PRPF8: variants seen among roughly 807,000 people sequenced by gnomAD.
The protein encoded by PRPF8 is pre-mRNA processing factor 8.
PRPF8 carries 64 observed loss-of-function variants against 285.9 expected under a neutral mutation model. That is an observed-to-expected ratio of 0.22 (90% CI 0.18 to 0.28). The LOEUF (loss-of-function observed/expected upper bound fraction) is 0.28. PRPF8 is among the 10% of genes least tolerant of loss of function. The probability of loss-of-function intolerance (pLI) is 1.00; values close to 1 mark genes in which losing one functional copy is unlikely to be tolerated. For synonymous variants in PRPF8, 1,325 were observed against 1,118.2 expected (o/e 1.18, Z -3.69); for missense variants, 1,426 against 3,026.7 (o/e 0.47, Z 12.41).
chr17:1,678,400 T>C, intron 13 of PRPF8, 118 bp downstream of exon 13: 1 of 1,332,802 alleles, frequency 7.5e-7, no homozygotes, highest in Non-Finnish European at 1.1e-6. Context: ...GGAGAATTGC[T>C]TGAACTCAGG....
Position 1,653,106 on chromosome 17 carries a change from T to C in PRPF8, c.6369+436A>G, listed in dbSNP as rs147514483. ...GGCGCATGCCACCATGCCTGGCTAATTTTTTGTATTTTTAGTAGAGACAGG... is the reference window on the plus strand; with the variant it reads ...GGCGCATGCCACCATGCCTGGCTAACTTTTTGTATTTTTAGTAGAGACAGG... On this transcript the variant is annotated intron_variant, in intron 39 of 42. Coordinates refer to ENST00000304992, the MANE Select transcript of PRPF8 (RefSeq NM_006445.4). This position sits in a 1 kb window ranked among gnomAD's most constrained non-coding sequence, Gnocchi z 4.9. 0.012 allele frequency: 3,600 copies of C among 290,542 alleles called. 127 individuals are homozygous for C. The highest frequency in any genetic ancestry group is 0.072 in the African/African-American group (3,319 of 45,870). The allele number at this position is 290,542 out of a possible 1,614,324, so 18.0% of individuals were successfully genotyped here. A position where few individuals can be genotyped will look rare whatever the true frequency, so the allele number is the denominator to read the frequency against.
intron 24 of PRPF8, among the ~76,000 whole-genome samples, chr17:1,664,060 T>C (rs1317361556): frequency 1.3e-5 from 2 of 152,232 alleles, no homozygotes; most frequent in Non-Finnish European, 2.9e-5. Context: ...AGACAGGGTC[T>C]TGCTCTGTTG....
At position 1,659,251 on chromosome 17, in the gene PRPF8, C is replaced by T. The variant is rs1911559983; in HGVS notation, c.5138+106G>A. On this transcript the variant is annotated intron_variant, in intron 32 of 42. Transcript: ENST00000304992. The surrounding 1 kb of genome is among the most constrained non-coding windows in gnomAD (Gnocchi z 5.1). ...ATGTTGCCCAGACTGGTCTCAAACT[C>T]CTGAGCTCAGACAATCTGCCCACCG... 2.9e-5 allele frequency: 38 copies of T among 1,315,784 alleles called. No homozygotes were observed. Among genetic ancestry groups the T allele is most frequent in the Non-Finnish European group, 4.1e-5 (38 of 917,910 alleles). 81.5% of individuals were successfully genotyped at this position (1,315,784 alleles called of 1,614,324 possible).
In PRPF8 at chr17:1,658,823, C is replaced by T. The variant is rs773070469; in HGVS notation, c.5139-60G>A. On this transcript the variant is annotated intron_variant, in intron 32 of 42. Coordinates refer to ENST00000304992, the MANE Select transcript of PRPF8 (RefSeq NM_006445.4). This position sits in a 1 kb window ranked among gnomAD's most constrained non-coding sequence, Gnocchi z 4.1. ...GAGAATGACAGCCCCAGAAACAAGACAAGCTGCCAACTCTACAGAGGAAGA... is the reference window on the plus strand; with the variant it reads ...GAGAATGACAGCCCCAGAAACAAGATAAGCTGCCAACTCTACAGAGGAAGA... 6 of 1,427,666 alleles carry T rather than the reference C, an allele frequency of 4.2e-6. No homozygotes were observed. In the East Asian group the frequency reaches 6.8e-5, roughly 16 times the overall value. The allele number at this position is 1,427,666 out of a possible 1,614,324, so 88.4% of individuals were successfully genotyped here.
In PRPF8 at chr17:1,658,770, G is replaced by A; in HGVS notation, c.5139-7C>T. 6.2e-7 allele frequency: 1 copy of A among 1,612,876 alleles called. No individual in the cohort carries two copies. The highest frequency in any genetic ancestry group is 8.5e-7 in the Non-Finnish European group (1 of 1,178,882). Reference sequence around the variant, plus strand: ...GAACCAGTTTCCATAGGCACTGTGAGGATAAAAGGGTCAAGAAAAGTTAAG... The same window carrying A: ...GAACCAGTTTCCATAGGCACTGTGAAGATAAAAGGGTCAAGAAAAGTTAAG... On this transcript the variant is annotated splice_region_variant and splice_polypyrimidine_tract_variant and intron_variant, in intron 32 of 42. Transcript: ENST00000304992. This position sits in a 1 kb window ranked among gnomAD's most constrained non-coding sequence, Gnocchi z 4.1.
Position 1,661,367 on chromosome 17 carries a change from A to G in PRPF8, c.4242T>C (p.Arg1414=), listed in dbSNP as rs1911668844. 2 of 1,614,226 alleles carry G rather than the reference A, an allele frequency of 1.2e-6. No individual in the cohort carries two copies. Among genetic ancestry groups the G allele is most frequent in the Admixed American group, 3.3e-5 (2 of 60,020 alleles). ...AGAGGGTATTGATTCGAGGAATGCC[A>G]CGATCCCATGAATCTTCTAGGTCTT... ...TLEDLEDSWD[R]GIPRINTLFQ... Residue 1414 remains arginine, a synonymous_variant, in exon 27 of 43, where the codon CGT becomes CGC. Coordinates refer to ENST00000304992, the MANE Select transcript of PRPF8 (RefSeq NM_006445.4). The surrounding 1 kb of genome is among the most constrained non-coding windows in gnomAD (Gnocchi z 7.3).
chr17:1,658,384 AGAG>A lies in PRPF8; in HGVS notation c.5377-6_5377-4del, dbSNP rs1911505562. Reference sequence around the variant, plus strand: ...GTTGTCAAGTTCCCTTCAAAGGTCTAGAGGAGGACGGCATTCGTTAGCATGGCC... The same window carrying A: ...GTTGTCAAGTTCCCTTCAAAGGTCTAGAGGACGGCATTCGTTAGCATGGCC... On this transcript the variant is annotated splice_polypyrimidine_tract_variant and splice_region_variant and intron_variant, in intron 33 of 42. Coordinates refer to ENST00000304992, the MANE Select transcript of PRPF8 (RefSeq NM_006445.4). The surrounding 1 kb of genome is among the most constrained non-coding windows in gnomAD (Gnocchi z 4.1). 3 of 1,614,096 alleles carry A rather than the reference AGAG, an allele frequency of 1.9e-6. No individual in the cohort carries two copies. The highest frequency in any genetic ancestry group is 2.5e-6 in the Non-Finnish European group (3 of 1,180,050).
rs756276190 is a variant in PRPF8 at position 1,673,846 on chromosome 17, CTGTCAGG to C, written c.3339_3345del (p.Tyr1113Ter). 6.2e-7 allele frequency: 1 copy of C among 1,614,064 alleles called. No individual in the cohort carries two copies. The highest frequency in any genetic ancestry group is 2.2e-5 in the East Asian group (1 of 44,878). ...TTTTCATTATTGGGGTCAGGGTGCTCTGTCAGGTAACGTTGAATCAGGTCCCGAGCCT... is the reference window on the plus strand; with the variant it reads ...TTTTCATTATTGGGGTCAGGGTGCTCTAACGTTGAATCAGGTCCCGAGCCT... On this transcript the variant is annotated frameshift_variant, in exon 22 of 43. Coordinates refer to ENST00000304992, the MANE Select transcript of PRPF8 (RefSeq NM_006445.4). LOFTEE classifies it high-confidence loss of function. This position sits in a 1 kb window ranked among gnomAD's most constrained non-coding sequence, Gnocchi z 5.5.
Position 1,651,693 on chromosome 17 carries a change from C to T in PRPF8, c.6465G>A (p.Gln2155=), listed in dbSNP as rs1911080503. The change falls in exon 40 of 43, where the codon CAG becomes CAA. Residue 2155 remains glutamine (Q), a synonymous_variant. Transcript: ENST00000304992. This position sits in a 1 kb window ranked among gnomAD's most constrained non-coding sequence, Gnocchi z 5.1. Reference sequence around the variant, plus strand: ...GCAGCTGGCCAGGCAGGTGCACGGTCTGGTGAGTGCCCCACTGCGGCACCA... The same window carrying T: ...GCAGCTGGCCAGGCAGGTGCACGGTTTGGTGAGTGCCCCACTGCGGCACCA... ...IVMVPQWGTH[Q]TVHLPGQLPQ... 3.1e-6 allele frequency: 5 copies of T among 1,614,076 alleles called. No individual in the cohort carries two copies. The Admixed American group carries it at 5.0e-5, about 16-fold the overall frequency.
At chr17:1,655,921 G>A (rs941904038) in intron 36 of PRPF8, among the ~76,000 whole-genome samples, 1 of 138,846 alleles carries the variant, frequency 7.2e-6, no homozygotes, top group Non-Finnish European at 1.5e-5. Flanking sequence ...CACTGCGCCC[G>A]GCCTTTTTTT....
chr17:1,675,869 C>G lies in PRPF8; in HGVS notation c.2680-57G>C. ...CCACCAACTGCTACCTTTGGTAGAA[C>G]CAAAGGCAACTGCTACCTTTGGTAG... On this transcript the variant is annotated intron_variant, in intron 18 of 42. Coordinates refer to ENST00000304992, the MANE Select transcript of PRPF8 (RefSeq NM_006445.4). This position sits in a 1 kb window ranked among gnomAD's most constrained non-coding sequence, Gnocchi z 6.0. 1 of 1,605,978 alleles carries G rather than the reference C, an allele frequency of 6.2e-7. No homozygotes were observed.
chr17:1,673,727 A>G lies in PRPF8; in HGVS notation c.3446+19T>C, dbSNP rs769125417. 1.9e-6 allele frequency: 3 copies of G among 1,613,668 alleles called. No individual in the cohort carries two copies. Among genetic ancestry groups the G allele is most frequent in the Non-Finnish European group, 2.5e-6 (3 of 1,179,984 alleles). ...TAGCTTATGTCCTTCCAGCTCACAC[A>G]GCCCCAACCTAGACTCACAAGTTAA... is the stretch of plus-strand genomic sequence containing the variant. On this transcript the variant is annotated intron_variant, in intron 22 of 42. Transcript: ENST00000304992. This position sits in a 1 kb window ranked among gnomAD's most constrained non-coding sequence, Gnocchi z 5.5.
In PRPF8 at chr17:1,681,466, T is replaced by C; in HGVS notation, c.866+12A>G. The C allele has an allele frequency of 6.4e-7, 1 of 1,558,016 alleles. No homozygotes were observed. The highest frequency in any genetic ancestry group is 2.2e-5 in the East Asian group (1 of 44,582). ...CTCAAAATGTCTAAAATCCCTAATC[T>C]CTCCAACTCACTGTAGGTTGATGTC... On this transcript the variant is annotated intron_variant, in intron 6 of 42. Transcript: ENST00000304992.
Position 1,683,714 on chromosome 17 carries a change from C to T in PRPF8, c.101-13G>A. On this transcript the variant is annotated splice_polypyrimidine_tract_variant and intron_variant, in intron 2 of 42. Coordinates refer to ENST00000304992, the MANE Select transcript of PRPF8 (RefSeq NM_006445.4). ...TGCCATTTTCGAGCTGGAAAGGCAC[C>T]TCAGTTTAAAGGCCTGCACACCCTC... 6.2e-7 allele frequency: 1 copy of T among 1,613,588 alleles called. No homozygotes were observed. The highest frequency in any genetic ancestry group is 8.5e-7 in the Non-Finnish European group (1 of 1,179,974).
At position 1,661,268 on chromosome 17, in the gene PRPF8, T is replaced by C. The variant is rs1260190860; in HGVS notation, c.4338+3A>G. The C allele has an allele frequency of 3.7e-6, 6 of 1,614,050 alleles. No homozygotes were observed. The highest frequency in any genetic ancestry group is 5.1e-6 in the Non-Finnish European group (6 of 1,180,046). On this transcript the variant is annotated splice_donor_region_variant and intron_variant, in intron 27 of 42. Transcript: ENST00000304992. The surrounding 1 kb of genome is among the most constrained non-coding windows in gnomAD (Gnocchi z 7.3). ...TCAGGGAAAATCTGCTCCCTCTACATACCTGATACTGCTTAAAGTCAGTTC... is the reference window on the plus strand; with the variant it reads ...TCAGGGAAAATCTGCTCCCTCTACACACCTGATACTGCTTAAAGTCAGTTC...
At chr17:1,681,141 T>C (rs1912899959) in intron 6 of PRPF8, 87 bp from the exon 7 acceptor site, 1 of 1,426,654 alleles carries the variant, frequency 7.0e-7, no homozygotes, top group Admixed American at 1.7e-5. Flanking sequence ...TGCAATGGCA[T>C]GATCATCGTT....
chr17:1,673,361 T>C lies in PRPF8; in HGVS notation c.3653A>G (p.Asn1218Ser). ...CCAGCCCCGCCCAGGCTGTACCTCATTCTGCAGGTTCCAGACCCCGTCCTT... is the reference window on the plus strand; with the variant it reads ...CCAGCCCCGCCCAGGCTGTACCTCACTCTGCAGGTTCCAGACCCCGTCCTT... ...THKDGVWNLQ[N>S]EVTKERTAQC... Residue 1218 changes from asparagine to serine, a missense_variant, in exon 23 of 43, where the codon AAT becomes AGT. Physicochemically the swap from Asn to Ser is conservative, Grantham distance 46 (BLOSUM62 1). Around this residue, in one of 34 missense-constraint regions of PRPF8, gnomAD observed 10 missense variants for 37.8 expected, o/e 0.26. Coordinates refer to ENST00000304992, the MANE Select transcript of PRPF8 (RefSeq NM_006445.4). The surrounding 1 kb of genome is among the most constrained non-coding windows in gnomAD (Gnocchi z 5.5). 3 of 1,614,018 alleles carry C rather than the reference T, an allele frequency of 1.9e-6. No individual in the cohort carries two copies. Among genetic ancestry groups the C allele is most frequent in the Non-Finnish European group, 2.5e-6 (3 of 1,180,008 alleles).
chr17:1,681,046 T>A lies in PRPF8; in HGVS notation c.875A>T (p.Asp292Val). ...GTTAATATCATTGAATTCATTCCAG[T>A]CTTCATCCCTAGGGTACAACATCAA... ...LVRDINLQDE[D>V]WNEFNDINKI... Residue 292 changes from aspartate to valine, a missense_variant, in exon 7 of 43, where the codon GAC becomes GTC. Transcript: ENST00000304992. The A allele has an allele frequency of 1.2e-6, 2 of 1,613,460 alleles. No homozygotes were observed.
intron 20 of PRPF8, among the ~76,000 whole-genome samples, 185 bp from the exon 21 acceptor site, chr17:1,674,865 G>C (rs530724066): frequency 6.6e-6 from 1 of 151,944 alleles, no homozygotes; most frequent in Non-Finnish European, 1.5e-5. Flanking sequence ...TCCACTTCCC[G>C]GGTTCAAGTG....
Sources: gnomAD v4.1 joint callset for allele counts (sites outside exome capture counted in the v4.1 genomes callset) on GRCh38, gnomAD v4.1.1 for gene constraint, gnomAD v4.1.1 regional missense constraint, Gnocchi (gnomAD v3.1) non-coding constraint, MANE v1.5 for transcripts, NCBI Gene and HGNC (gene_info 2026-07-23, HGNC 2026-07-21) for gene names.